Variants in HDAC3 observed in about 807,000 individuals in gnomAD.
The protein encoded by HDAC3 is SMAP45.
A neutral mutation model predicts 62.3 loss-of-function variants in HDAC3; 21 were observed. The ratio of observed to expected loss-of-function variants is 0.34; its 90% CI spans 0.24 to 0.49. The LOEUF is 0.49. Ranked by LOEUF, HDAC3 falls within the 20% of genes least tolerant of loss-of-function variation. HDAC3 has a pLI of 0.99. For synonymous variants in HDAC3, 198 were observed against 206.5 expected, an observed-to-expected ratio of 0.96 and a Z score of 0.35; for missense variants, 270 against 556.9, an observed-to-expected ratio of 0.48 and a Z score of 5.19.
Position 141,628,041 on chromosome 5 carries a change from G to C in HDAC3, c.765+73C>G. The C allele has an allele frequency of 6.3e-7, 1 of 1,597,732 alleles. No homozygotes were observed. Among genetic ancestry groups the C allele is most frequent in the Non-Finnish European group, 8.6e-7 (1 of 1,165,026 alleles). ...ATACCCCTTCCACCACCAACCTAAA[G>C]AACCTCCTCTTCCCTTGCTCTCTTT... On this transcript the variant is annotated intron_variant, in intron 9 of 14. Coordinates refer to ENST00000305264, the MANE Select transcript of HDAC3 (RefSeq NM_003883.4). This position sits in a 1 kb window ranked among gnomAD's most constrained non-coding sequence, Gnocchi z 4.7.
rs2099904915 is a variant in HDAC3 at position 141,629,609 on chromosome 5, G to A, written c.476+75C>T. 3.5e-6 allele frequency: 5 copies of A among 1,442,892 alleles called. No homozygotes were observed. Among genetic ancestry groups the A allele is most frequent in the Non-Finnish European group, 4.8e-6 (5 of 1,033,912 alleles). 89.4% of individuals were successfully genotyped at this position (1,442,892 alleles called of 1,614,324 possible). Reference sequence around the variant, plus strand: ...GCTAATCAGGGAGGAGGGAGGTCAAGGTCAGGGTTGAGACTGAGAGACCTC... The same window carrying A: ...GCTAATCAGGGAGGAGGGAGGTCAAAGTCAGGGTTGAGACTGAGAGACCTC... On this transcript the variant is annotated intron_variant, in intron 6 of 14. Transcript: ENST00000305264. The surrounding 1 kb of genome is among the most constrained non-coding windows in gnomAD (Gnocchi z 5.3).
At position 141,621,233 on chromosome 5, in the gene HDAC3, C is replaced by A; in HGVS notation, c.*235G>T. ...CTCCAGGGCCCACTGCCAATAATGT[C>A]CCAGATAGCTATCCTTGTCTGTATC... is the stretch of plus-strand genomic sequence containing the variant. On this transcript the variant is annotated 3_prime_UTR_variant, in exon 15 of 15. Transcript: ENST00000305264. 1 of 501,256 alleles carries A rather than the reference C, an allele frequency of 2.0e-6. No individual in the cohort carries two copies. Among genetic ancestry groups the A allele is most frequent in the Non-Finnish European group, 3.6e-6 (1 of 280,790 alleles). 31.1% of individuals were successfully genotyped at this position (501,256 alleles called of 1,614,324 possible).
intron 3 of HDAC3, among the ~76,000 whole-genome samples, chr5:141,632,020 A>ATT (rs376573720): frequency 8.0e-5 from 11 of 136,946 alleles, no homozygotes; most frequent in Admixed American, 1.5e-4. Context: ...GAGGTCTGGA[A>ATT]TTTTTTTTTT....
In HDAC3 at chr5:141,625,722, T is replaced by A; in HGVS notation, c.1022A>T (p.Asp341Val). Residue 341 changes from aspartate to valine, a missense_variant, in exon 13 of 15, where the codon GAT becomes GTT. Asp to Val is a radical substitution (Grantham distance 152, BLOSUM62 -3). Transcript: ENST00000305264. The surrounding 1 kb of genome is among the most constrained non-coding windows in gnomAD (Gnocchi z 4.0). ...YFAPDFTLHP[D>V]VSTRIENQNS... Reference sequence around the variant, plus strand: ...CTGATTCTCGATGCGGGTGCTGACATCTGGATGAAGTGTGAAGTCTGGGGC... The same window carrying A: ...CTGATTCTCGATGCGGGTGCTGACAACTGGATGAAGTGTGAAGTCTGGGGC... The A allele has an allele frequency of 6.2e-7, 1 of 1,614,182 alleles. No homozygotes were observed. Among genetic ancestry groups the A allele is most frequent in the Non-Finnish European group, 8.5e-7 (1 of 1,180,036 alleles).
At chr5:141,632,472 CTTGT>C (rs2099905365) in intron 3 of HDAC3, among the ~76,000 whole-genome samples, 1 of 152,134 alleles carries the variant, frequency 6.6e-6, no homozygotes, top group African/African-American at 2.4e-5. Context: ...ACAACTGTAA[CTTGT>C]TTGACAGGAA....
chr5:141,629,657 G>T lies in HDAC3; in HGVS notation c.476+27C>A, dbSNP rs762680423. 12 of 1,610,620 alleles carry T rather than the reference G, an allele frequency of 7.5e-6. No individual in the cohort carries two copies. The highest frequency in any genetic ancestry group is 9.3e-6 in the Non-Finnish European group (11 of 1,177,944). On this transcript the variant is annotated intron_variant, in intron 6 of 14. Coordinates refer to ENST00000305264, the MANE Select transcript of HDAC3 (RefSeq NM_003883.4). The surrounding 1 kb of genome is among the most constrained non-coding windows in gnomAD (Gnocchi z 5.3). Reference sequence around the variant, plus strand: ...CTCCTCAGCCAAGAATCCCGTAACTGCCCCCATCTCCTCCTGGGCTACTTA... The same window carrying T: ...CTCCTCAGCCAAGAATCCCGTAACTTCCCCCATCTCCTCCTGGGCTACTTA...
At chr5:141,634,558 C>A (rs2099905707) in intron 3 of HDAC3, among the ~76,000 whole-genome samples, 1 of 152,198 alleles carries the variant, frequency 6.6e-6, no homozygotes, top group Admixed American at 6.5e-5. Context: ...CTGTCATACA[C>A]CTCCTCTTTA....
rs2099904830 is a variant in HDAC3 at position 141,628,859 on chromosome 5, C to CGAATGGAA, written c.611-228_611-221dup. Among the ~76,000 whole-genome samples, 1 of 152,116 alleles carries CGAATGGAA rather than the reference C, an allele frequency of 6.6e-6. No homozygotes were observed. Among genetic ancestry groups the CGAATGGAA allele is most frequent in the Non-Finnish European group, 1.5e-5 (1 of 68,032 alleles). On this transcript the variant is annotated intron_variant, in intron 7 of 14. Coordinates refer to ENST00000305264, the MANE Select transcript of HDAC3 (RefSeq NM_003883.4). This position sits in a 1 kb window ranked among gnomAD's most constrained non-coding sequence, Gnocchi z 4.7. ...GTACTAGGCAGTAGGGATGCAGCAA[C>CGAATGGAA]GAATGGAACTAATGAAATTTACGAT...
Position 141,626,147 on chromosome 5 carries a change from C to G in HDAC3, c.920+47G>C, listed in dbSNP as rs756215846. 1 of 1,604,576 alleles carries G rather than the reference C, an allele frequency of 6.2e-7. No homozygotes were observed. Among genetic ancestry groups the G allele is most frequent in the East Asian group, 2.2e-5 (1 of 44,832 alleles). On this transcript the variant is annotated intron_variant, in intron 11 of 14. Transcript: ENST00000305264. This position sits in a 1 kb window ranked among gnomAD's most constrained non-coding sequence, Gnocchi z 4.6. ...CCATGTGGCCATATCTGAGGGACAC[C>G]CTAGCTCACACTGGACAACAGGGGA...
intron 3 of HDAC3, among the ~76,000 whole-genome samples, chr5:141,630,933 C>T (rs947051752): frequency 1.3e-5 from 2 of 151,456 alleles, no homozygotes; most frequent in Non-Finnish European, 2.9e-5. Context: ...GTGATCCTCC[C>T]GCCTTGGCCT....
At chr5:141,634,386 T>A (rs778299994) in intron 3 of HDAC3, among the ~76,000 whole-genome samples, 2 of 152,162 alleles carry the variant, frequency 1.3e-5, no homozygotes, top group Non-Finnish European at 2.9e-5. Flanking sequence ...CACTTGTCCC[T>A]ACTGCCTGCT....
At position 141,636,816 on chromosome 5, in the gene HDAC3, C is replaced by G. The variant is rs2545027; in HGVS notation, c.-26G>C. ...GGTGCCGGCGGGAGCAGGCCCCGCA[C>G]CTCCGCCGCCCGCCGCCCGCGGCCG... On this transcript the variant is annotated 5_prime_UTR_variant, in exon 1 of 15. Coordinates refer to ENST00000305264, the MANE Select transcript of HDAC3 (RefSeq NM_003883.4). The G allele has an allele frequency of 6.6e-7, 1 of 1,503,858 alleles. No individual in the cohort carries two copies. The highest frequency in any genetic ancestry group is 8.8e-7 in the Non-Finnish European group (1 of 1,131,152). The allele number at this position is 1,503,858 out of a possible 1,614,324, so 93.2% of individuals were successfully genotyped here. A position where few individuals can be genotyped will look rare whatever the true frequency, so the allele number is the denominator to read the frequency against.
chr5:141,635,105 A>G (rs1393045238), intron 2 of HDAC3, 152 bp from the exon 3 acceptor site: 11 of 688,064 alleles, frequency 1.6e-5, no homozygotes, highest in Admixed American at 3.2e-5. Flanking sequence ...AGAGACTCCG[A>G]TTAACCAGGT....
At chr5:141,636,654 C>T (rs772450902) in intron 1 of HDAC3, 24 bp from the exon 2 acceptor site, 6 of 1,613,310 alleles carry the variant, frequency 3.7e-6, no homozygotes, top group South Asian at 3.3e-5. Context: ...GAAGAGAGTT[C>T]GTCAGCTCTC....
At position 141,625,976 on chromosome 5, in the gene HDAC3, C is replaced by G; in HGVS notation, c.979+37G>C. The G allele has an allele frequency of 6.4e-7, 1 of 1,566,854 alleles. No individual in the cohort carries two copies. Among genetic ancestry groups the G allele is most frequent in the Non-Finnish European group, 8.8e-7 (1 of 1,137,098 alleles). On this transcript the variant is annotated intron_variant, in intron 12 of 14. Transcript: ENST00000305264. This position sits in a 1 kb window ranked among gnomAD's most constrained non-coding sequence, Gnocchi z 4.0. ...TCATTCTGGAATCTGGTGAGAATGG[C>G]CTTCCTGTTATGGGGGTGTTGTGGG...
In HDAC3 at chr5:141,629,839, T is replaced by C. The variant is rs750540211; in HGVS notation, c.420+21A>G. 8 of 1,613,720 alleles carry C rather than the reference T, an allele frequency of 5.0e-6. No individual in the cohort carries two copies. The East Asian group carries it at 1.6e-4, about 31-fold the overall frequency. ...CCTACCCTAGGATGGCCACTGTCTT[T>C]CCCATCACCTCCTCACTCACCTCAA... On this transcript the variant is annotated intron_variant, in intron 5 of 14. Coordinates refer to ENST00000305264, the MANE Select transcript of HDAC3 (RefSeq NM_003883.4). This position sits in a 1 kb window ranked among gnomAD's most constrained non-coding sequence, Gnocchi z 5.3.
Position 141,634,294 on chromosome 5 carries a change from T to C in HDAC3, c.281+517A>G, listed in dbSNP as rs75969995. Among the ~76,000 whole-genome samples the C allele has an allele frequency of 4.9e-3, 743 of 152,074 alleles. 5 individuals are homozygous for C. Among genetic ancestry groups the C allele is most frequent in the African/African-American group, 0.016 (684 of 41,482 alleles). On this transcript the variant is annotated intron_variant, in intron 3 of 14. Coordinates refer to ENST00000305264, the MANE Select transcript of HDAC3 (RefSeq NM_003883.4). ...TCCTATTTCTTTAGCCTCAATTCAG[T>C]TCACCTCCTCTTCATACTCTGCACT... is the stretch of plus-strand genomic sequence containing the variant.
chr5:141,633,257 T>A (rs150364984), intron 3 of HDAC3, among the ~76,000 whole-genome samples: 1 of 152,288 alleles, frequency 6.6e-6, no homozygotes, highest in South Asian at 2.1e-4. Flanking sequence ...TTAAGAGACA[T>A]ATCAACCAAA....
In HDAC3 at chr5:141,630,039, G is replaced by A. The variant is rs2099904967; in HGVS notation, c.363+5C>T. The A allele has an allele frequency of 5.6e-6, 9 of 1,614,030 alleles. No individual in the cohort carries two copies. In the South Asian group the frequency reaches 7.7e-5, roughly 14 times the overall value. Reference sequence around the variant, plus strand: ...AAGGAAGAACAGGACTCGGGACTATGTCACCTTGTTGTTCAGCTGGGTTGC... The same window carrying A: ...AAGGAAGAACAGGACTCGGGACTATATCACCTTGTTGTTCAGCTGGGTTGC... On this transcript the variant is annotated splice_donor_5th_base_variant and intron_variant, in intron 4 of 14. Coordinates refer to ENST00000305264, the MANE Select transcript of HDAC3 (RefSeq NM_003883.4).
Sources: gnomAD v4.1 joint callset for allele counts (sites outside exome capture counted in the v4.1 genomes callset) on GRCh38, gnomAD v4.1.1 for gene constraint, Gnocchi (gnomAD v3.1) non-coding constraint, MANE v1.5 for transcripts, NCBI Gene and HGNC (gene_info 2026-07-23, HGNC 2026-07-21) for gene names.